The following CNPY3 variants were observed in gnomAD, a reference collection of about 807,000 sequenced individuals.
The protein encoded by CNPY3 is protein canopy homolog 3.
A neutral mutation model predicts 32.0 loss-of-function variants in CNPY3; 20 were observed. The observed-to-expected ratio is 0.63, with a 90% CI of 0.44 to 0.91. The LOEUF is 0.91. Ranked by LOEUF, CNPY3 falls within the 40% of genes least tolerant of loss-of-function variation. The pLI is 0.00. For synonymous variants in CNPY3, 138 were observed against 142.9 expected, an observed-to-expected ratio of 0.97 and a Z score of 0.24; for missense variants, 299 against 340.8, an observed-to-expected ratio of 0.88 and a Z score of 0.97.
rs1199406868 is a variant in CNPY3 at position 42,938,821 on chromosome 6, C to G, written c.*30C>G. 2.0e-6 allele frequency: 3 copies of G among 1,537,448 alleles called. No individual in the cohort carries two copies. Among genetic ancestry groups the G allele is most frequent in the Non-Finnish European group, 2.6e-6 (3 of 1,138,470 alleles). Reference sequence around the variant, plus strand: ...ACCCAGCATCCTCTGTCCTGAGACCCCTGATTTTGAAGCTGAGGAGTCAGG... The same window carrying G: ...ACCCAGCATCCTCTGTCCTGAGACCGCTGATTTTGAAGCTGAGGAGTCAGG... On this transcript the variant is annotated 3_prime_UTR_variant, in exon 6 of 6. Coordinates refer to ENST00000372836, the MANE Select transcript of CNPY3 (RefSeq NM_006586.5).
intron 1 of CNPY3, among the ~76,000 whole-genome samples, chr6:42,932,024 G>T (rs1767863978): frequency 6.6e-6 from 1 of 152,134 alleles, no homozygotes; most frequent in East Asian, 1.9e-4. Context: ...TGCCCAGCCT[G>T]TATTCTGTCT....
At position 42,937,711 on chromosome 6, in the gene CNPY3, T is replaced by G; in HGVS notation, c.373-6T>G. ...TCCGCCTGCCATATCTGGTCGCTTC[T>G]TCCAGGGCATGTCAGAGACCTTTGA... On this transcript the variant is annotated splice_polypyrimidine_tract_variant and splice_region_variant and intron_variant, in intron 3 of 5. Transcript: ENST00000372836. 6.2e-7 allele frequency: 1 copy of G among 1,613,982 alleles called. No individual in the cohort carries two copies. The highest frequency in any genetic ancestry group is 8.5e-7 in the Non-Finnish European group (1 of 1,179,932).
At chr6:42,934,436 CAT>C (rs1263456654) in intron 1 of CNPY3, 37 bp from the exon 2 acceptor site, 2 of 1,612,770 alleles carry the variant, frequency 1.2e-6, no homozygotes, top group Non-Finnish European at 8.5e-7. Context: ...CCATTAGACT[CAT>C]GTGCACTCAG....
intron 1 of CNPY3, 116 bp downstream of exon 1, chr6:42,929,837 C>A: frequency 8.1e-7 from 1 of 1,237,284 alleles, no homozygotes; most frequent in Non-Finnish European, 1.1e-6. Context: ...TGTCTTCCTT[C>A]CTTGAACAGG....
Position 42,937,773 on chromosome 6 carries a change from G to A in CNPY3, c.429G>A (p.Val143=). 1 of 1,614,092 alleles carries A rather than the reference G, an allele frequency of 6.2e-7. No homozygotes were observed. The highest frequency in any genetic ancestry group is 8.5e-7 in the Non-Finnish European group (1 of 1,179,968). Residue 143 remains valine (V), a synonymous_variant, in exon 4 of 6, where the codon GTG becomes GTA. Transcript: ENST00000372836. ...ACCTGGTACACAAAGGGGTCAAGGTGGTGATGGACATCCCCTATGAGCTGT... is the reference window on the plus strand; with the variant it reads ...ACCTGGTACACAAAGGGGTCAAGGTAGTGATGGACATCCCCTATGAGCTGT... ...LHNLVHKGVK[V]VMDIPYELWN...
In CNPY3 at chr6:42,929,611, T is replaced by C. The variant is rs1290194677; in HGVS notation, c.41T>C (p.Leu14Pro). ...MPEPASRCLL[L>P]LPLLLLLLLL... ...GAGCCCGCGTCCCGCTGTCTTCTGCTTCTTCCCTTGCTGCTGCTGCTGCTG... is the reference window on the plus strand; with the variant it reads ...GAGCCCGCGTCCCGCTGTCTTCTGCCTCTTCCCTTGCTGCTGCTGCTGCTG... The change falls in exon 1 of 6, where the codon CTT (leucine) becomes CCT (proline). Residue 14 changes from leucine (L) to proline (P), a missense_variant. Transcript: ENST00000372836. 3.2e-6 allele frequency: 5 copies of C among 1,569,224 alleles called. No individual in the cohort carries two copies. The highest frequency in any genetic ancestry group is 2.7e-5 in the African/African-American group (2 of 74,228).
upstream of CNPY3, among the ~76,000 whole-genome samples, chr6:42,928,509 C>T (rs187238437): frequency 3.7e-3 from 556 of 151,906 alleles, 3 homozygotes; most frequent in African/African-American, 0.013. Context: ...GTCTCCAACT[C>T]CTGGGCTCAG....
intron 1 of CNPY3, among the ~76,000 whole-genome samples, chr6:42,930,971 C>A (rs927877894): frequency 1.3e-5 from 2 of 151,848 alleles, no homozygotes; most frequent in Non-Finnish European, 2.9e-5. Context: ...CTTATTGCAA[C>A]CTCTGCCTCC....
intron 4 of CNPY3, 63 bp from the exon 5 acceptor site, chr6:42,938,022 TAGCTG>T: frequency 6.6e-7 from 1 of 1,505,950 alleles, no homozygotes; most frequent in Non-Finnish European, 9.2e-7. Flanking sequence ...TTGCGAGGCT[TAGCTG>T]AGCTCCTCTA....
rs1767627431 is a variant in CNPY3 at position 42,929,690 on chromosome 6, C to A, written c.120C>A (p.Asn40Lys). 3.2e-6 allele frequency: 5 copies of A among 1,550,424 alleles called. No individual in the cohort carries two copies. The highest frequency in any genetic ancestry group is 4.4e-6 in the Non-Finnish European group (5 of 1,146,738). The change falls in exon 1 of 6, where the codon AAC (asparagine) becomes AAA (lysine). Residue 40 changes from asparagine (N) to lysine (K), a missense_variant. Asn to Lys is a moderately conservative substitution (Grantham distance 94). Around this residue, in one of 2 missense-constraint regions of CNPY3, gnomAD observed 88 missense variants for 62.5 expected, o/e 1.41. Coordinates refer to ENST00000372836, the MANE Select transcript of CNPY3 (RefSeq NM_006586.5). ...LGPSQAGAEENDWVRLPSKCE... is the reference protein window; with the variant it reads ...LGPSQAGAEEKDWVRLPSKCE... The stretch of plus-strand genomic sequence containing the variant: ...CGAGCCAGGCCGGAGCTGAGGAGAA[C>A]GACTGGGTTCGCCTGCCCAGCAAAT...
At position 42,937,986 on chromosome 6, in the gene CNPY3, G is replaced by A. The variant is rs1417613394; in HGVS notation, c.496-104G>A. 8 of 1,436,510 alleles carry A rather than the reference G, an allele frequency of 5.6e-6. No individual in the cohort carries two copies. The Admixed American group carries it at 6.9e-5, about 12-fold the overall frequency. The allele number at this position is 1,436,510 out of a possible 1,614,324, so 89.0% of individuals were successfully genotyped here. A position where few individuals can be genotyped will look rare whatever the true frequency, so the allele number is the denominator to read the frequency against. ...TGGCCTCAGTTTCCTTAGGTGAACC[G>A]CTGCCACTGCCTACCTTGCAGTGGG... On this transcript the variant is annotated intron_variant, in intron 4 of 5. Transcript: ENST00000372836.
intron 3 of CNPY3, among the ~76,000 whole-genome samples, chr6:42,936,696 C>T (rs111797278): frequency 0.03 from 4,609 of 152,130 alleles, 215 homozygotes; most frequent in African/African-American, 0.1. Flanking sequence ...CCACCACGCC[C>T]GACTAATTTT....
At chr6:42,938,243 A>T (rs1768371533) in intron 5 of CNPY3, 36 bp downstream of exon 5, 1 of 1,521,330 alleles carries the variant, frequency 6.6e-7, no homozygotes, top group Non-Finnish European at 9.1e-7. Context: ...CTGGCTCTGG[A>T]TGATTTGTTT....
rs779216693 is a variant in CNPY3 at position 42,929,553 on chromosome 6, T to G, written c.-18T>G. On this transcript the variant is annotated 5_prime_UTR_variant, in exon 1 of 6. Transcript: ENST00000372836. Reference sequence around the variant, plus strand: ...GGAGGAACCGCCCGGTCCTTTAGGGTCCGGGCCCGGCCGGGCCATGGATTC... The same window carrying G: ...GGAGGAACCGCCCGGTCCTTTAGGGGCCGGGCCCGGCCGGGCCATGGATTC... The G allele has an allele frequency of 1.3e-6, 2 of 1,562,824 alleles. No homozygotes were observed. The highest frequency in any genetic ancestry group is 8.7e-7 in the Non-Finnish European group (1 of 1,153,708).
Position 42,938,698 on chromosome 6 carries a change from G to A in CNPY3, c.744G>A (p.Glu248=), listed in dbSNP as rs1242680208. The part of the protein sequence containing the change: ...GRSSSSKQRK[E]LGGLEGDPSP... ...GTAGCAGCAGCAAACAAAGGAAGGA[G>A]CTGGGTGGCCTTGAGGGAGACCCCA... Residue 248 remains glutamate, a synonymous_variant, in exon 6 of 6, where the codon GAG becomes GAA. Transcript: ENST00000372836. 6.2e-7 allele frequency: 1 copy of A among 1,613,872 alleles called. No individual in the cohort carries two copies. Among genetic ancestry groups the A allele is most frequent in the Non-Finnish European group, 8.5e-7 (1 of 1,179,906 alleles).
intron 4 of CNPY3, 47 bp downstream of exon 4, chr6:42,937,886 G>T: frequency 6.2e-7 from 1 of 1,611,882 alleles, no homozygotes. Flanking sequence ...CCAGTGAGGG[G>T]CTGGTGGGGA....
intron 3 of CNPY3, 29 bp from the exon 4 acceptor site, chr6:42,937,688 C>G (rs769246802): frequency 3.1e-6 from 5 of 1,612,348 alleles, no homozygotes; most frequent in Non-Finnish European, 4.2e-6. Context: ...AAGGGAGCTC[C>G]GCCTGCCATA....
At chr6:42,929,380 G>C, upstream of CNPY3, 2 of 620,408 alleles carry the variant, frequency 3.2e-6, no homozygotes, top group Admixed American at 6.0e-5. Context: ...TATTGGCTGC[G>C]CCGTCCGCGG....
upstream of CNPY3, among the ~76,000 whole-genome samples, chr6:42,928,877 C>G (rs907261418): frequency 1.3e-5 from 2 of 152,086 alleles, no homozygotes; most frequent in Admixed American, 1.3e-4. Context: ...ATCACTTTGT[C>G]GTCATACAAA....
Sources: allele counts gnomAD v4.1 joint callset (sites outside exome capture counted in the v4.1 genomes callset), GRCh38; gene constraint gnomAD v4.1.1; regional missense constraint gnomAD v4.1.1; transcripts MANE v1.5; gene names NCBI Gene and HGNC (gene_info 2026-07-23, HGNC 2026-07-21).